The following TCP11 variants were observed in gnomAD, a reference collection of about 807,000 sequenced individuals.
TCP11 encodes the protein t-complex 11.
A neutral mutation model predicts 45.0 loss-of-function variants in TCP11; 34 were observed. That is an observed-to-expected ratio of 0.76 (90% CI 0.57 to 1.01). The LOEUF (loss-of-function observed/expected upper bound fraction) is 1.01. TCP11 is among the 50% of genes least tolerant of loss of function. The pLI is 0.00. For synonymous variants in TCP11, 227 were observed against 227.0 expected (o/e 1.00, Z 0.00); for missense variants, 523 against 598.1 (o/e 0.87, Z 1.31).
At position 35,140,768 on chromosome 6, in the gene TCP11, C is replaced by T; in HGVS notation, c.103G>A (p.Gly35Ser). The T allele has an allele frequency of 6.5e-7, 1 of 1,529,416 alleles. No individual in the cohort carries two copies. Among genetic ancestry groups the T allele is most frequent in the Non-Finnish European group, 8.7e-7 (1 of 1,143,058 alleles). The allele number at this position is 1,529,416 out of a possible 1,614,324, so 94.7% of individuals were successfully genotyped here. The change falls in exon 2 of 10, where the codon GGC becomes AGC. Residue 35 changes from glycine to serine, a missense_variant. This residue lies in a region of TCP11 where 225 missense variants were observed against 210.2 expected (regional missense o/e 1.07). Transcript: ENST00000311875. ...TSGPPQEDKS[G>S]SEDPPPFLSV... ...CTACAGGGAGGGGGGTCCTCGGAGC[C>T]GCTCTTGTCTTCCTGGGGGGGTCCT...
At chr6:35,132,370 A>G (rs1780552230) in intron 3 of TCP11, among the ~76,000 whole-genome samples, 1 of 152,098 alleles carries the variant, frequency 6.6e-6, no homozygotes, top group Non-Finnish European at 1.5e-5. Context: ...GTAGCTGAAC[A>G]CTCTCATTAA....
intron 9 of TCP11, 81 bp from the exon 10 acceptor site, chr6:35,118,582 A>C: frequency 7.6e-7 from 1 of 1,311,452 alleles, no homozygotes; most frequent in Non-Finnish European, 1.1e-6. Flanking sequence ...CTACTCACCC[A>C]TGTTCTAAGT....
At chr6:35,134,938 G>C (rs774900861) in intron 3 of TCP11, among the ~76,000 whole-genome samples, 7 of 152,034 alleles carry the variant, frequency 4.6e-5, no homozygotes, top group Non-Finnish European at 7.4e-5. Flanking sequence ...ACCTGAGGTT[G>C]GGTGTTCGAG....
rs770493123 is a variant in TCP11, at chr6:35,140,087, A to G, written c.124+660T>C. 3.7e-6 allele frequency: 6 copies of G among 1,613,964 alleles called. No homozygotes were observed. In the East Asian group the frequency reaches 6.7e-5, roughly 18 times the overall value. ...GGTGCCATTCAGTTAACCAGCAGCGACCTCATGTGGCCACAAGAAAAACCA... is the reference window on the plus strand; with the variant it reads ...GGTGCCATTCAGTTAACCAGCAGCGGCCTCATGTGGCCACAAGAAAAACCA... On this transcript the variant is annotated intron_variant, in intron 2 of 9. Transcript: ENST00000311875.
At chr6:35,123,698 G>A (rs896858143) in intron 4 of TCP11, among the ~76,000 whole-genome samples, 2 of 147,328 alleles carry the variant, frequency 1.4e-5, no homozygotes, top group Admixed American at 6.9e-5. Flanking sequence ...GTGTTGCCAG[G>A]CTGGCCTCAA....
At position 35,132,813 on chromosome 6, in the gene TCP11, A is replaced by C. The variant is rs753654055; in HGVS notation, c.236+3294T>G. ...CCCTCCATACGCCTGCAACTCCCTCACCACCACCCTATCACAGACCTCATT... is the reference window on the plus strand; with the variant it reads ...CCCTCCATACGCCTGCAACTCCCTCCCCACCACCCTATCACAGACCTCATT... On this transcript the variant is annotated intron_variant, in intron 3 of 9. Coordinates refer to ENST00000311875, the MANE Select transcript of TCP11 (RefSeq NM_001370687.1). 4.9e-4 allele frequency among the ~76,000 whole-genome samples: 75 copies of C among 151,928 alleles called. 2 individuals are homozygous for C. Among genetic ancestry groups the C allele is most frequent in the Non-Finnish European group, 1.6e-4 (11 of 67,986 alleles).
At chr6:35,140,006 A>AT (rs770425625) in intron 2 of TCP11, 1 of 1,613,760 alleles carries the variant, frequency 6.2e-7, no homozygotes, top group East Asian at 2.2e-5. Flanking sequence ...AAAAAAACGG[A>AT]TTTTTCATCC....
rs545719015 is a variant in TCP11, at chr6:35,127,437, C to A, written c.357+1625G>T. Among the ~76,000 whole-genome samples the A allele has an allele frequency of 2.6e-5, 4 of 152,276 alleles. No individual in the cohort carries two copies. In the South Asian group the frequency reaches 6.2e-4, roughly 24 times the overall value. On this transcript the variant is annotated intron_variant, in intron 4 of 9. Coordinates refer to ENST00000311875, the MANE Select transcript of TCP11 (RefSeq NM_001370687.1). ...TTGGGTCACTGCACCAGATAAAGAA[C>A]CCCAACTAGCTGAAGTTCTGGCCAA... is the stretch of plus-strand genomic sequence containing the variant.
rs776557117 is a variant in TCP11, at chr6:35,119,355, T to TACCTGTTCACTCACAGTC, written c.1134_1151dup (p.Thr379_Val384dup). On this transcript the variant is annotated inframe_insertion, in exon 9 of 10. Transcript: ENST00000311875. Reference sequence around the variant, plus strand: ...TGAGGCTTTGATGGATTTCCTGAGATACCTGTTCACTCACAGTCAGTATAG... The same window carrying TACCTGTTCACTCACAGTC: ...TGAGGCTTTGATGGATTTCCTGAGATACCTGTTCACTCACAGTCACCTGTTCACTCACAGTCAGTATAG... 4 of 1,614,230 alleles carry TACCTGTTCACTCACAGTC rather than the reference T, an allele frequency of 2.5e-6. No homozygotes were observed. The African/African-American group carries it at 5.3e-5, about 22-fold the overall frequency.
At chr6:35,139,980 CTTAAATTG>C in intron 2 of TCP11, 1 of 1,607,990 alleles carries the variant, frequency 6.2e-7, no homozygotes, top group Non-Finnish European at 8.5e-7. Flanking sequence ...ACCTCAAAAA[CTTAAATTG>C]TGTGTACAAA....
intron 9 of TCP11, 55 bp from the exon 10 acceptor site, chr6:35,118,556 A>G: frequency 6.6e-7 from 1 of 1,517,766 alleles, no homozygotes; most frequent in South Asian, 1.2e-5. Flanking sequence ...TTCAGGGAGA[A>G]AATTCCCCCT....
At chr6:35,122,466 T>G (rs1779388096) in intron 4 of TCP11, 129 bp from the exon 5 acceptor site, 15 of 764,484 alleles carry the variant, frequency 2.0e-5, no homozygotes, top group Middle Eastern at 7.6e-4. Context: ...GTCCCTAAAT[T>G]TCCCATGGAA....
chr6:35,119,129 G>T (rs984727852), intron 9 of TCP11, 99 bp downstream of exon 9: 7 of 1,447,114 alleles, frequency 4.8e-6, no homozygotes, highest in Non-Finnish European at 5.7e-6. Flanking sequence ...AAACAATGAC[G>T]TACCTAATGA....
intron 3 of TCP11, among the ~76,000 whole-genome samples, chr6:35,132,456 C>T (rs1346395427): frequency 6.6e-6 from 1 of 152,228 alleles, no homozygotes; most frequent in Non-Finnish European, 1.5e-5. Context: ...GTCTCCCCTA[C>T]AAAAGTTTCT....
At chr6:35,140,986 G>T in intron 1 of TCP11, 102 bp from the exon 2 acceptor site, 11 of 1,389,336 alleles carry the variant, frequency 7.9e-6, no homozygotes, top group Non-Finnish European at 1.0e-5. Flanking sequence ...GCGGCCTCAG[G>T]GTCTTGGGGG....
rs2234047 is a variant in TCP11, at chr6:35,119,420, C to T, written c.1116-29G>A. 8.3e-4 allele frequency: 1,334 copies of T among 1,609,914 alleles called. 6 individuals are homozygous for T. In the African/African-American group the frequency reaches 0.016, roughly 19 times the overall value. The stretch of plus-strand genomic sequence containing the variant: ...GACCATGAAAGAAAGTAAGCTGGCA[C>T]CCACCAGGTAACCCTGGCATAGGCC... On this transcript the variant is annotated intron_variant, in intron 8 of 9. Transcript: ENST00000311875.
At chr6:35,134,571 G>A (rs565346633) in intron 3 of TCP11, among the ~76,000 whole-genome samples, 6 of 152,000 alleles carry the variant, frequency 3.9e-5, no homozygotes, top group Non-Finnish European at 5.9e-5. Flanking sequence ...GAGCCACTGC[G>A]CCTGGCCCCA....
At chr6:35,123,530 G>A (rs2127649639) in intron 4 of TCP11, among the ~76,000 whole-genome samples, 1 of 152,070 alleles carries the variant, frequency 6.6e-6, no homozygotes, top group East Asian at 1.9e-4. Context: ...TGTTGCTCAG[G>A]CTGAAGTGCA....
intron 2 of TCP11, chr6:35,139,887 C>G: frequency 1.1e-6 from 1 of 919,944 alleles, no homozygotes; most frequent in South Asian, 1.7e-5. Context: ...ACCTAATACA[C>G]AAAATTTCAA....
Sources: allele counts gnomAD v4.1 joint callset (sites outside exome capture counted in the v4.1 genomes callset), GRCh38; gene constraint gnomAD v4.1.1; regional missense constraint gnomAD v4.1.1; transcripts MANE v1.5; gene names NCBI Gene and HGNC (gene_info 2026-07-23, HGNC 2026-07-21).